Variants in GRID2 observed in about 807,000 individuals in gnomAD.
The protein encoded by GRID2 is glutamate receptor ionotropic, delta-2.
A neutral mutation model predicts 114.8 loss-of-function variants in GRID2; 33 were observed. The observed-to-expected ratio is 0.29, with a 90% CI of 0.22 to 0.38. GRID2 has a LOEUF of 0.38. Among genes scored for constraint, GRID2 ranks in the 10% least tolerant of loss-of-function variants. GRID2 has a pLI of 1.00. For missense variants in GRID2, 1,184 were observed against 1,257.7 expected, an observed-to-expected ratio of 0.94 and a Z score of 0.89; for synonymous variants, 505 against 449.9, an observed-to-expected ratio of 1.12 and a Z score of -1.55.
At chr4:93,253,533 A>T (rs551908238) in intron 8 of GRID2, among the ~76,000 whole-genome samples, 1 of 152,294 alleles carries the variant, frequency 6.6e-6, no homozygotes, top group East Asian at 1.9e-4. Context: ...TTAACAAAAC[A>T]TGAATGTCCA....
chr4:92,555,418 T>G (rs1421077321), intron 1 of GRID2, among the ~76,000 whole-genome samples: 1 of 152,088 alleles, frequency 6.6e-6, no homozygotes, highest in African/African-American at 2.4e-5. Flanking sequence ...AAAAAGAAGC[T>G]TAACTTCAAT....
intron 9 of GRID2, among the ~76,000 whole-genome samples, chr4:93,398,499 A>G (rs1765569650): frequency 6.6e-6 from 1 of 151,770 alleles, no homozygotes; most frequent in Non-Finnish European, 1.5e-5. Flanking sequence ...TGAGAGTTGA[A>G]AATGCTTACG....
intron 9 of GRID2, among the ~76,000 whole-genome samples, chr4:93,404,810 A>C (rs193006376): frequency 7.9e-5 from 12 of 152,272 alleles, no homozygotes; most frequent in African/African-American, 2.9e-4. Context: ...ATCCAGCATT[A>C]GAAAGAGTAT....
chr4:93,353,238 G>A (rs1294786252), intron 8 of GRID2, among the ~76,000 whole-genome samples: 2 of 151,950 alleles, frequency 1.3e-5, no homozygotes, highest in Non-Finnish European at 2.9e-5. Flanking sequence ...AAACTTAATA[G>A]GAGAGCTGTC....
intron 14 of GRID2, among the ~76,000 whole-genome samples, chr4:93,758,142 G>C (rs1373755249): frequency 6.6e-6 from 1 of 152,070 alleles, no homozygotes; most frequent in Non-Finnish European, 1.5e-5. Flanking sequence ...ACTAAAAAAA[G>C]AAAATTGAAG....
At chr4:92,377,975 G>A (rs933719733) in intron 1 of GRID2, among the ~76,000 whole-genome samples, 2 of 151,874 alleles carry the variant, frequency 1.3e-5, no homozygotes, top group Non-Finnish European at 2.9e-5. Context: ...GTAGAATTTT[G>A]TAATACTGTT....
At chr4:92,478,070 A>C (rs1048344029) in intron 1 of GRID2, among the ~76,000 whole-genome samples, 3 of 151,848 alleles carry the variant, frequency 2.0e-5, no homozygotes, top group Admixed American at 6.6e-5. Flanking sequence ...AACATTAAAA[A>C]ATTGACTGTA....
At chr4:92,932,653 C>A (rs1395463081) in intron 2 of GRID2, among the ~76,000 whole-genome samples, 1 of 151,206 alleles carries the variant, frequency 6.6e-6, no homozygotes, top group Non-Finnish European at 1.5e-5. Flanking sequence ...CCAGTACCTG[C>A]AACAGCTCAA....
intron 8 of GRID2, among the ~76,000 whole-genome samples, chr4:93,341,679 CAACAT>C (rs1301803391): frequency 2.0e-5 from 3 of 152,054 alleles, no homozygotes; most frequent in African/African-American, 7.2e-5. Context: ...TCCTGAAACT[CAACAT>C]GACATGACAT....
intron 2 of GRID2, among the ~76,000 whole-genome samples, chr4:92,914,572 C>T (rs1387389868): frequency 6.6e-6 from 1 of 152,058 alleles, no homozygotes; most frequent in Non-Finnish European, 1.5e-5. Context: ...CCTTCTCCCA[C>T]CCACCGCATT....
In GRID2 at chr4:92,904,961, A is replaced by G. The variant is rs535220511; in HGVS notation, c.245-180034A>G. Among the ~76,000 whole-genome samples, 3 of 152,146 alleles carry G rather than the reference A, an allele frequency of 2.0e-5. No homozygotes were observed. In the South Asian group the frequency reaches 6.2e-4, roughly 32 times the overall value. The stretch of plus-strand genomic sequence containing the variant: ...TATCCTTAAATGTAATGGCTTTTAA[A>G]ATTGTTAGCTGAACAATTCAAGGTG... On this transcript the variant is annotated intron_variant, in intron 2 of 15. Transcript: ENST00000282020.
chr4:92,891,556 G>A (rs1264318660), intron 2 of GRID2, among the ~76,000 whole-genome samples: 1 of 152,104 alleles, frequency 6.6e-6, no homozygotes, highest in Non-Finnish European at 1.5e-5. Context: ...ACCTAGAGCT[G>A]AGCAGCATTT....
chr4:93,363,953 G>T, intron 8 of GRID2, among the ~76,000 whole-genome samples: 1 of 151,632 alleles, frequency 6.6e-6, no homozygotes, highest in South Asian at 2.1e-4. Flanking sequence ...CTATTCTTCA[G>T]TTCTGTATTT....
chr4:93,538,647 C>T (rs1732347663), intron 13 of GRID2, among the ~76,000 whole-genome samples: 1 of 151,646 alleles, frequency 6.6e-6, no homozygotes, highest in Non-Finnish European at 1.5e-5. Context: ...GAGAGGCATT[C>T]CACTACCATG....
intron 1 of GRID2, among the ~76,000 whole-genome samples, chr4:92,525,245 A>T (rs998785414): frequency 1.3e-5 from 2 of 151,998 alleles, no homozygotes; most frequent in Admixed American, 6.6e-5. Context: ...TGAATATAAA[A>T]ATCTTAGAGT....
chr4:92,751,997 A>G (rs1737475256), intron 2 of GRID2, among the ~76,000 whole-genome samples: 1 of 152,194 alleles, frequency 6.6e-6, no homozygotes, highest in South Asian at 2.1e-4. Context: ...AATTTTGCAA[A>G]AGTGCGAATT....
intron 1 of GRID2, among the ~76,000 whole-genome samples, chr4:92,559,988 C>T (rs1009041834): frequency 2.0e-5 from 3 of 152,148 alleles, no homozygotes; most frequent in African/African-American, 7.2e-5. Flanking sequence ...CTCTGAAAGG[C>T]ATTTTCTTTA....
chr4:93,306,901 A>G (rs1186082075), intron 8 of GRID2, among the ~76,000 whole-genome samples: 1 of 152,178 alleles, frequency 6.6e-6, no homozygotes, highest in Non-Finnish European at 1.5e-5. Flanking sequence ...GTTTTTTAGA[A>G]ATAACCTACT....
At chr4:93,656,444 T>C (rs1268244529) in intron 14 of GRID2, among the ~76,000 whole-genome samples, 4 of 118,042 alleles carry the variant, frequency 3.4e-5, no homozygotes, top group South Asian at 2.6e-4. Context: ...TTTTGAAAAA[T>C]TATTGTCAGC....
Sources: gnomAD v4.1 joint callset for allele counts (sites outside exome capture counted in the v4.1 genomes callset) on GRCh38, gnomAD v4.1.1 for gene constraint, MANE v1.5 for transcripts, NCBI Gene and HGNC (gene_info 2026-07-23, HGNC 2026-07-21) for gene names.